PEX7: variants seen among roughly 807,000 people sequenced by gnomAD.
PEX7 encodes the protein peroxisomal biogenesis factor 7, also known as PTS2 receptor.
PEX7 carries 34 observed loss-of-function variants against 47.5 expected under a neutral mutation model. The ratio of observed to expected loss-of-function variants is 0.72; its 90% CI spans 0.54 to 0.95. The LOEUF (loss-of-function observed/expected upper bound fraction) is 0.95, where lower values mean the gene tolerates loss of function less well. Ranked by LOEUF, PEX7 falls within the 40% of genes least tolerant of loss-of-function variation. The pLI is 0.00. For synonymous variants in PEX7, 141 were observed against 148.8 expected, an observed-to-expected ratio of 0.95 and a Z score of 0.38; for missense variants, 394 against 400.3, an observed-to-expected ratio of 0.98 and a Z score of 0.13.
rs368445827 is a variant in PEX7 at position 136,853,055 on chromosome 6, T to C, written c.526+6874T>C. On this transcript the variant is annotated intron_variant, in intron 5 of 9. Transcript: ENST00000318471. The stretch of plus-strand genomic sequence containing the variant: ...TGACAAACCTGAGAAAAACAAGCAA[T>C]GGGGAAAGGATTCCCTATTTAATAA... Among the ~76,000 whole-genome samples the C allele has an allele frequency of 6.2e-4, 94 of 151,136 alleles. 2 individuals carry two copies. The highest frequency in any genetic ancestry group is 2.2e-3 in the African/African-American group (92 of 41,134).
chr6:136,822,706 C>A lies in PEX7; in HGVS notation c.41C>A (p.Thr14Lys). 1.3e-6 allele frequency: 2 copies of A among 1,517,644 alleles called. No individual in the cohort carries two copies. The highest frequency in any genetic ancestry group is 1.8e-6 in the Non-Finnish European group (2 of 1,139,592). 94.0% of individuals were successfully genotyped at this position (1,517,644 alleles called of 1,614,324 possible). A position where few individuals can be genotyped will look rare whatever the true frequency, so the allele number is the denominator to read the frequency against. ...GGTGGAGCGGCGCGGATGCTGCGGA[C>A]GCCGGGACGCCACGGCTACGCCGCC... The part of the protein sequence containing the change: ...VCGGAARMLR[T>K]PGRHGYAAEF... Residue 14 changes from threonine (T) to lysine (K), a missense_variant, in exon 1 of 10, where the codon ACG becomes AAG. Coordinates refer to ENST00000318471, the MANE Select transcript of PEX7 (RefSeq NM_000288.4).
At chr6:136,886,241 C>T (rs1775466306) in intron 8 of PEX7, among the ~76,000 whole-genome samples, 1 of 152,102 alleles carries the variant, frequency 6.6e-6, no homozygotes, top group Non-Finnish European at 1.5e-5. Flanking sequence ...TCTGTCCTTC[C>T]ACATCCCTGT....
chr6:136,850,855 T>C (rs1774729836), intron 5 of PEX7, among the ~76,000 whole-genome samples: 1 of 143,682 alleles, frequency 7.0e-6, no homozygotes, highest in East Asian at 2.1e-4. Flanking sequence ...AAAGACTAAG[T>C]CAAAGAAACC....
intron 3 of PEX7, among the ~76,000 whole-genome samples, chr6:136,829,796 G>A (rs1366015725): frequency 6.6e-6 from 1 of 152,136 alleles, no homozygotes; most frequent in Admixed American, 6.5e-5. Context: ...AAATTAGCTG[G>A]GTGTGGTGGT....
At chr6:136,829,464 C>T (rs1399694142) in intron 3 of PEX7, among the ~76,000 whole-genome samples, 1 of 152,170 alleles carries the variant, frequency 6.6e-6, no homozygotes, top group Non-Finnish European at 1.5e-5. Flanking sequence ...CATTCATGAC[C>T]TAATTACCCC....
intron 5 of PEX7, among the ~76,000 whole-genome samples, chr6:136,862,060 A>G (rs1202490270): frequency 1.5e-5 from 2 of 132,680 alleles, no homozygotes; most frequent in African/African-American, 5.9e-5. Flanking sequence ...TATATATATT[A>G]TATATATATA....
intron 5 of PEX7, among the ~76,000 whole-genome samples, chr6:136,856,767 G>C (rs1774869213): frequency 6.6e-6 from 1 of 152,150 alleles, no homozygotes; most frequent in South Asian, 2.1e-4. Context: ...AATGTAGGTG[G>C]ATGGAGTCGA....
chr6:136,841,658 G>C (rs1176184134), intron 3 of PEX7, among the ~76,000 whole-genome samples: 1 of 152,114 alleles, frequency 6.6e-6, no homozygotes, highest in East Asian at 1.9e-4. Context: ...GCTCACTGCT[G>C]TCTTGACCTT....
intron 8 of PEX7, among the ~76,000 whole-genome samples, chr6:136,873,491 A>G (rs1312280638): frequency 1.3e-5 from 2 of 152,146 alleles, no homozygotes. Context: ...CTCAGTAGCA[A>G]TGTTTGAGAG....
intron 7 of PEX7, 139 bp from the exon 8 acceptor site, chr6:136,872,059 C>T: frequency 1.4e-6 from 1 of 719,598 alleles, no homozygotes; most frequent in Non-Finnish European, 2.3e-6. Flanking sequence ...AGCATATATG[C>T]TTTGAAAAAG....
chr6:136,867,921 T>G (rs1025387952), intron 6 of PEX7, among the ~76,000 whole-genome samples: 3 of 152,210 alleles, frequency 2.0e-5, no homozygotes, highest in African/African-American at 7.2e-5. Flanking sequence ...TCTAGGCCTT[T>G]CCATTCACTC....
At chr6:136,910,589 A>T (rs1316699206) in intron 9 of PEX7, among the ~76,000 whole-genome samples, 5 of 152,208 alleles carry the variant, frequency 3.3e-5, no homozygotes, top group African/African-American at 4.8e-5. Context: ...TTTGACTAAA[A>T]AGTCTATAAT....
chr6:136,871,309 T>C (rs897365552), intron 7 of PEX7, among the ~76,000 whole-genome samples: 1 of 152,244 alleles, frequency 6.6e-6, no homozygotes, highest in Non-Finnish European at 1.5e-5. Context: ...ACATTATTAC[T>C]CATCTAGAAG....
At chr6:136,859,071 T>G (rs1171928742) in intron 5 of PEX7, among the ~76,000 whole-genome samples, 1 of 152,226 alleles carries the variant, frequency 6.6e-6, no homozygotes, top group Non-Finnish European at 1.5e-5. Context: ...TTCAACAGAT[T>G]ACAACAATTT....
chr6:136,834,946 T>C (rs1582738134), intron 3 of PEX7, among the ~76,000 whole-genome samples: 1 of 152,104 alleles, frequency 6.6e-6, no homozygotes. Context: ...TTTTGTTTTT[T>C]GTTTTTTTTT....
intron 3 of PEX7, among the ~76,000 whole-genome samples, chr6:136,836,013 A>G (rs1013511152): frequency 1.3e-5 from 2 of 152,200 alleles, no homozygotes; most frequent in African/African-American, 2.4e-5. Flanking sequence ...TGTAGGTGTC[A>G]ACACTATGCA....
At chr6:136,877,796 G>A (rs903798174) in intron 8 of PEX7, among the ~76,000 whole-genome samples, 4 of 151,998 alleles carry the variant, frequency 2.6e-5, no homozygotes, top group Non-Finnish European at 4.4e-5. Context: ...GCTCTTTTTC[G>A]GTTCCATATG....
intron 8 of PEX7, among the ~76,000 whole-genome samples, chr6:136,874,533 A>G (rs925401538): frequency 4.0e-5 from 6 of 151,804 alleles, no homozygotes; most frequent in African/African-American, 1.2e-4. Context: ...TTAGCCACGC[A>G]TGATGGCAGG....
intron 8 of PEX7, among the ~76,000 whole-genome samples, chr6:136,882,986 C>T (rs998969748): frequency 2.6e-5 from 4 of 152,184 alleles, no homozygotes; most frequent in Non-Finnish European, 5.9e-5. Context: ...GGATCTACAT[C>T]ACTGATTAAA....
Sources: allele counts gnomAD v4.1 joint callset (sites outside exome capture counted in the v4.1 genomes callset), GRCh38; gene constraint gnomAD v4.1.1; transcripts MANE v1.5; gene names NCBI Gene and HGNC (gene_info 2026-07-23, HGNC 2026-07-21).